The following CALN1 variants were observed in gnomAD, a reference collection of about 807,000 sequenced individuals.
CALN1 encodes the protein calneuron 1.
Under a neutral mutation model 30.6 loss-of-function variants are expected in CALN1, and 17 were observed. The observed-to-expected ratio is 0.56, with a 90% confidence interval of 0.38 to 0.83. CALN1 has a LOEUF of 0.83. CALN1 is among the 40% of genes least tolerant of loss of function. The pLI, the probability that CALN1 is intolerant of heterozygous loss-of-function variation, is 0.00. For missense variants in CALN1, 291 were observed against 354.9 expected, an observed-to-expected ratio of 0.82 and a Z score of 1.45; for synonymous variants, 156 against 131.4, an observed-to-expected ratio of 1.19 and a Z score of -1.28.
At position 72,418,921 on chromosome 7, in the gene CALN1, C is replaced by T. The variant is rs533582700; in HGVS notation, c.-225-6646G>A. 6.6e-5 allele frequency among the ~76,000 whole-genome samples: 10 copies of T among 152,128 alleles called. No individual in the cohort carries two copies. The East Asian group carries it at 9.7e-4, about 15-fold the overall frequency. On this transcript the variant is annotated intron_variant, in intron 1 of 6. Transcript: ENST00000395276. ...ATCCCAGCTACTTGGGACACTGTGC[C>T]GGGAGGATTGCTTGAGCCCAGGAGG... is the stretch of plus-strand genomic sequence containing the variant.
intron 5 of CALN1, among the ~76,000 whole-genome samples, chr7:71,847,517 AAAAAC>A (rs1277888963): frequency 1.3e-5 from 2 of 151,320 alleles, no homozygotes; most frequent in African/African-American, 4.9e-5. Context: ...AACCAAAACC[AAAAAC>A]AAAAAAAAAA....
intron 4 of CALN1, among the ~76,000 whole-genome samples, chr7:72,043,410 A>G (rs942025147): frequency 6.6e-6 from 1 of 152,346 alleles, no homozygotes. Context: ...AACAATAAAA[A>G]TAGAAAAAAA....
intron 2 of CALN1, among the ~76,000 whole-genome samples, chr7:72,295,438 G>A (rs942630575): frequency 1.3e-5 from 2 of 151,966 alleles, no homozygotes; most frequent in Admixed American, 6.6e-5. Context: ...CATTGAATCT[G>A]TAAATTGCCT....
At chr7:71,840,399 C>G (rs1174560737) in intron 5 of CALN1, among the ~76,000 whole-genome samples, 8 of 142,648 alleles carry the variant, frequency 5.6e-5, no homozygotes, top group African/African-American at 2.1e-4. Flanking sequence ...TTGGGAGGAT[C>G]ATTTGAGCCC....
intron 3 of CALN1, among the ~76,000 whole-genome samples, chr7:72,265,811 G>A (rs199934204): frequency 6.6e-6 from 1 of 151,982 alleles, no homozygotes; most frequent in East Asian, 1.9e-4. Context: ...TCTAAAGCCA[G>A]TATTTAGATC....
chr7:71,870,090 G>A (rs6961118), intron 5 of CALN1, among the ~76,000 whole-genome samples: 37,460 of 152,126 alleles, frequency 0.25, 4,956 homozygotes, highest in African/African-American at 0.32. Flanking sequence ...TATTTGTTAA[G>A]AAACAAAGAG....
intron 3 of CALN1, among the ~76,000 whole-genome samples, chr7:72,185,329 A>G (rs139027196): frequency 6.2e-4 from 94 of 152,280 alleles, no homozygotes; most frequent in African/African-American, 2.1e-3. Flanking sequence ...GAAGAAAGGA[A>G]AAGAAAAAGA....
At chr7:71,883,930 T>C (rs1462283237) in intron 5 of CALN1, among the ~76,000 whole-genome samples, 2 of 152,136 alleles carry the variant, frequency 1.3e-5, no homozygotes, top group East Asian at 3.9e-4. Flanking sequence ...CCTTCCTTTC[T>C]TTCTTTGACA....
chr7:71,921,118 A>T (rs1025535389), intron 5 of CALN1, among the ~76,000 whole-genome samples: 15 of 152,160 alleles, frequency 9.9e-5, no homozygotes, highest in African/African-American at 3.6e-4. Context: ...AAGACCAAAC[A>T]CCACATACTC....
chr7:72,129,422 G>A (rs937515664), intron 3 of CALN1, among the ~76,000 whole-genome samples: 21 of 152,118 alleles, frequency 1.4e-4, no homozygotes, highest in African/African-American at 4.6e-4. Context: ...CCAGGCTAGT[G>A]GCTGTAATAT....
intron 2 of CALN1, among the ~76,000 whole-genome samples, chr7:72,367,768 C>T (rs1360793263): frequency 1.3e-5 from 2 of 152,084 alleles, no homozygotes; most frequent in African/African-American, 4.8e-5. Context: ...CCACGAGTTC[C>T]AGGCTGGAAG....
chr7:72,334,083 C>A (rs897720578), intron 2 of CALN1, among the ~76,000 whole-genome samples: 1 of 152,192 alleles, frequency 6.6e-6, no homozygotes, highest in Non-Finnish European at 1.5e-5. Flanking sequence ...GATTTCACTT[C>A]CCTTTGCATC....
chr7:72,125,458 G>C (rs1808681418), intron 3 of CALN1, among the ~76,000 whole-genome samples: 2 of 152,224 alleles, frequency 1.3e-5, no homozygotes, highest in African/African-American at 4.8e-5. Context: ...TCCACTAGGG[G>C]AAGACAGACG....
At chr7:72,429,431 C>T (rs956687937) in intron 1 of CALN1, among the ~76,000 whole-genome samples, 11 of 151,980 alleles carry the variant, frequency 7.2e-5, no homozygotes, top group Non-Finnish European at 1.0e-4. Flanking sequence ...CATTTTCTGC[C>T]TTTAGGACTT....
chr7:72,342,068 C>A (rs1198969135), intron 2 of CALN1, among the ~76,000 whole-genome samples: 1 of 151,868 alleles, frequency 6.6e-6, no homozygotes, highest in East Asian at 1.9e-4. Context: ...CCAGCCTGGG[C>A]AACATAGGGA....
At chr7:72,347,309 G>C (rs974653582) in intron 2 of CALN1, among the ~76,000 whole-genome samples, 1 of 150,312 alleles carries the variant, frequency 6.7e-6, no homozygotes, top group African/African-American at 2.5e-5. Flanking sequence ...GTGCAATGCC[G>C]TGATCTCAGC....
intron 2 of CALN1, among the ~76,000 whole-genome samples, chr7:72,311,537 T>TGG (rs1417999652): frequency 6.6e-6 from 1 of 151,892 alleles, no homozygotes; most frequent in Non-Finnish European, 1.5e-5. Context: ...TAGAGTCCAG[T>TGG]GGCTTGATCT....
intron 5 of CALN1, among the ~76,000 whole-genome samples, chr7:71,880,853 C>T (rs1338054122): frequency 6.6e-6 from 1 of 152,166 alleles, no homozygotes; most frequent in East Asian, 1.9e-4. Flanking sequence ...TTCCTTCCAT[C>T]TAGTTGTGAT....
intron 4 of CALN1, among the ~76,000 whole-genome samples, chr7:72,029,189 C>T (rs541397703): frequency 1.3e-5 from 2 of 151,854 alleles, no homozygotes; most frequent in Admixed American, 6.6e-5. Flanking sequence ...TGCAGTGGCA[C>T]GATCTCAGCT....
Sources: gnomAD v4.1 joint callset for allele counts (sites outside exome capture counted in the v4.1 genomes callset) on GRCh38, gnomAD v4.1.1 for gene constraint, MANE v1.5 for transcripts, NCBI Gene and HGNC (gene_info 2026-07-23, HGNC 2026-07-21) for gene names.